The following FOCAD variants were observed in gnomAD, a reference collection of about 807,000 sequenced individuals.
FOCAD encodes KIAA1797.
In FOCAD, 198 loss-of-function variants were observed where a neutral mutation model predicts 225.6. The ratio of observed to expected loss-of-function variants is 0.88; its 90% CI spans 0.78 to 0.99. The LOEUF is 0.99. Among genes scored for constraint, FOCAD ranks in the 50% least tolerant of loss-of-function variants. FOCAD has a pLI of 0.00. For synonymous variants in FOCAD, 897 were observed against 755.0 expected (o/e 1.19, Z -3.08); for missense variants, 2,713 against 2,123.6 (o/e 1.28, Z -5.46).
intron 12 of FOCAD, 50 bp from the exon 13 acceptor site, chr9:20,820,274 G>T (rs368972974): frequency 1.4e-6 from 2 of 1,386,744 alleles, no homozygotes; most frequent in Non-Finnish European, 2.0e-6. Context: ...TAACCTCGAG[G>T]TTGTCTGCAT....
rs542119689 is a variant in FOCAD, at chr9:20,991,111, A to G, written c.5256+737A>G. Reference sequence around the variant, plus strand: ...CATGTTGAGGGCTTTGTATGTGAACATGTGTTACTTTGAATTGTTAAAACA... The same window carrying G: ...CATGTTGAGGGCTTTGTATGTGAACGTGTGTTACTTTGAATTGTTAAAACA... On this transcript the variant is annotated intron_variant, in intron 42 of 43. Coordinates refer to ENST00000338382, the MANE Select transcript of FOCAD (RefSeq NM_001375567.1). 3.2e-3 allele frequency among the ~76,000 whole-genome samples: 494 copies of G among 152,302 alleles called. 9 individuals are homozygous for G. The highest frequency in any genetic ancestry group is 0.03 in the South Asian group (147 of 4,826).
At chr9:20,902,682 A>G (rs1313047112) in intron 21 of FOCAD, among the ~76,000 whole-genome samples, 1 of 151,968 alleles carries the variant, frequency 6.6e-6, no homozygotes, top group East Asian at 1.9e-4. Flanking sequence ...GGAATCAGAT[A>G]GGACTAAACC....
intron 11 of FOCAD, among the ~76,000 whole-genome samples, chr9:20,798,398 A>T (rs1023695234): frequency 6.6e-6 from 1 of 151,992 alleles, no homozygotes; most frequent in Non-Finnish European, 1.5e-5. Flanking sequence ...TTTTCTATTG[A>T]TTGGAATAGT....
intron 39 of FOCAD, among the ~76,000 whole-genome samples, chr9:20,983,082 A>G (rs1268778921): frequency 6.6e-6 from 1 of 152,296 alleles, no homozygotes; most frequent in East Asian, 1.9e-4. Flanking sequence ...TTTCTGCATC[A>G]TATGGCAGTG....
rs770833616 is a variant in FOCAD at position 20,758,195 on chromosome 9, AT to A, written c.494+5del. ...TTTTCCAGCAGTGCCCTGAAAGGTA[AT>A]GTAAAATAAAAGTGTAAAATAAAGT... On this transcript the variant is annotated splice_donor_5th_base_variant and intron_variant, in intron 6 of 43. Transcript: ENST00000338382. 74 of 1,605,060 alleles carry A rather than the reference AT, an allele frequency of 4.6e-5. No individual in the cohort carries two copies. The highest frequency in any genetic ancestry group is 5.9e-5 in the Non-Finnish European group (69 of 1,174,506).
intron 21 of FOCAD, among the ~76,000 whole-genome samples, chr9:20,889,830 G>C (rs1412622293): frequency 6.6e-6 from 1 of 152,140 alleles, no homozygotes; most frequent in Non-Finnish European, 1.5e-5. Context: ...ACTTGAGAGA[G>C]GACTGACATC....
chr9:20,991,795 A>C (rs10964785), intron 42 of FOCAD, among the ~76,000 whole-genome samples: 49,180 of 143,528 alleles, frequency 0.34, 8,565 homozygotes, highest in East Asian at 0.47. Context: ...CCTGGCTGAC[A>C]GATTGAGACT....
intron 32 of FOCAD, 42 bp downstream of exon 32, chr9:20,948,970 A>G: frequency 1.3e-6 from 2 of 1,557,746 alleles, no homozygotes; most frequent in Non-Finnish European, 1.8e-6. Context: ...CTAAATATGT[A>G]CATAGCCATA....
chr9:20,827,654 C>T (rs1420734320), intron 15 of FOCAD, among the ~76,000 whole-genome samples: 1 of 151,868 alleles, frequency 6.6e-6, no homozygotes, highest in Non-Finnish European at 1.5e-5. Context: ...AAAAATATTA[C>T]ATAATCTCTC....
At chr9:20,835,982 C>T (rs1018970925) in intron 15 of FOCAD, among the ~76,000 whole-genome samples, 8 of 152,034 alleles carry the variant, frequency 5.3e-5, no homozygotes, top group South Asian at 2.1e-4. Context: ...GTGATTTCCC[C>T]GGAAATACCC....
intron 5 of FOCAD, among the ~76,000 whole-genome samples, chr9:20,744,228 G>A (rs908951874): frequency 1.3e-5 from 2 of 152,152 alleles, no homozygotes; most frequent in African/African-American, 4.8e-5. Context: ...TGTTTACTGT[G>A]CATAAGGAGC....
intron 1 of FOCAD, among the ~76,000 whole-genome samples, chr9:20,689,583 G>C (rs1421387322): frequency 4.6e-5 from 7 of 152,086 alleles, no homozygotes; most frequent in Non-Finnish European, 1.0e-4. Flanking sequence ...AGGAGGTATG[G>C]GGAGCATCTA....
At position 20,976,474 on chromosome 9, in the gene FOCAD, C is replaced by T. The variant is rs1840242730; in HGVS notation, c.4187C>T (p.Thr1396Ile). 1 of 1,613,264 alleles carries T rather than the reference C, an allele frequency of 6.2e-7. No homozygotes were observed. Among genetic ancestry groups the T allele is most frequent in the Non-Finnish European group, 8.5e-7 (1 of 1,179,324 alleles). Residue 1396 changes from threonine to isoleucine, a missense_variant, in exon 36 of 44, where the codon ACT becomes ATT. Physicochemically the swap from Thr to Ile is moderately conservative, Grantham distance 89. Transcript: ENST00000338382. ...AAAGTAGTGATGAAACCCATAGCAA[C>T]TGTTGGAGAAAGCTACCAATATCCT... Reference protein sequence around the residue: ...LLKVVMKPIATVGESYQYPPV... With the variant: ...LLKVVMKPIAIVGESYQYPPV...
chr9:20,678,308 T>C (rs550438940), intron 2 of FOCAD, among the ~76,000 whole-genome samples: 1 of 152,320 alleles, frequency 6.6e-6, no homozygotes, highest in East Asian at 1.9e-4. Context: ...TACATCATTC[T>C]TATTGCCCAA....
At chr9:20,722,993 T>C (rs936730228) in intron 4 of FOCAD, among the ~76,000 whole-genome samples, 2 of 152,194 alleles carry the variant, frequency 1.3e-5, no homozygotes, top group South Asian at 4.1e-4. Context: ...TGAGGTGTAA[T>C]TAGAGCAGGT....
intron 4 of FOCAD, among the ~76,000 whole-genome samples, chr9:20,734,253 G>A (rs1038215545): frequency 6.6e-6 from 1 of 152,106 alleles, no homozygotes; most frequent in African/African-American, 2.4e-5. Flanking sequence ...AGTCTTAAAG[G>A]TTCCTTCAAA....
chr9:20,711,575 G>C (rs1321680765), intron 1 of FOCAD, among the ~76,000 whole-genome samples: 1 of 152,146 alleles, frequency 6.6e-6, no homozygotes, highest in South Asian at 2.1e-4. Flanking sequence ...AGAATGAAGA[G>C]GAATAGTAAC....
chr9:20,852,102 A>G (rs150052910), intron 15 of FOCAD, among the ~76,000 whole-genome samples: 81 of 151,882 alleles, frequency 5.3e-4, no homozygotes, highest in Middle Eastern at 3.4e-3. Context: ...ACTGTGCTAG[A>G]TGCTGCTTTT....
intron 39 of FOCAD, 23 bp from the exon 40 acceptor site, chr9:20,986,265 A>ACTTTTTTTTTTTTTTTT: frequency 2.2e-6 from 1 of 457,022 alleles, no homozygotes; most frequent in Non-Finnish European, 2.9e-6. Context: ...GTAACTAAAC[A>ACTTTTTTTTTTTTTTTT]ATTTTTTTTT....
Sources: allele counts gnomAD v4.1 joint callset (sites outside exome capture counted in the v4.1 genomes callset), GRCh38; gene constraint gnomAD v4.1.1; transcripts MANE v1.5; gene names NCBI Gene and HGNC (gene_info 2026-07-23, HGNC 2026-07-21).